The following TMC2 variants were observed in gnomAD, a reference collection of about 807,000 sequenced individuals.
TMC2 encodes the protein transmembrane channel like 2.
Under a neutral mutation model 105.9 loss-of-function variants are expected in TMC2, and 102 were observed. That is an observed-to-expected ratio of 0.96 (90% CI 0.82 to 1.14). The LOEUF (loss-of-function observed/expected upper bound fraction) is 1.14. TMC2 is among the 50% of genes most tolerant of loss of function. TMC2 has a pLI of 0.00. For synonymous variants in TMC2, 402 were observed against 422.8 expected (o/e 0.95, Z 0.60); for missense variants, 1,093 against 1,134.3 (o/e 0.96, Z 0.52).
At chr20:2,626,362 C>T (rs2086564298) in intron 17 of TMC2, among the ~76,000 whole-genome samples, 1 of 152,234 alleles carries the variant, frequency 6.6e-6, no homozygotes, top group Non-Finnish European at 1.5e-5. Context: ...GACTGGCCAG[C>T]TGGCACTGGA....
At chr20:2,624,078 T>A (rs1031009064) in intron 16 of TMC2, among the ~76,000 whole-genome samples, 193 bp from the exon 17 acceptor site, 7 of 152,250 alleles carry the variant, frequency 4.6e-5, no homozygotes, top group African/African-American at 1.7e-4. Context: ...CCGACCCAGC[T>A]GTCACCCTAG....
intron 2 of TMC2, among the ~76,000 whole-genome samples, chr20:2,545,822 G>GAAGAAAGAAAGA (rs56859666): frequency 0.054 from 6,363 of 117,778 alleles, 413 homozygotes; most frequent in African/African-American, 0.14. Context: ...AGAGGAAGAG[G>GAAGAAAGAAAGA]AAGAAAGAAA....
At chr20:2,594,421 T>C (rs2086290858) in intron 8 of TMC2, among the ~76,000 whole-genome samples, 1 of 152,040 alleles carries the variant, frequency 6.6e-6, no homozygotes, top group African/African-American at 2.4e-5. Flanking sequence ...AGAGACAAGG[T>C]TTCACTACGT....
chr20:2,582,174 T>C (rs2086196575), intron 7 of TMC2, among the ~76,000 whole-genome samples: 1 of 152,186 alleles, frequency 6.6e-6, no homozygotes, highest in Non-Finnish European at 1.5e-5. Context: ...CGGACAAGTC[T>C]TGATGACAGG....
intron 2 of TMC2, among the ~76,000 whole-genome samples, chr20:2,545,833 G>A (rs1383469891): frequency 8.5e-6 from 1 of 118,006 alleles, no homozygotes; most frequent in Non-Finnish European, 1.8e-5. Context: ...AAGAAAGAAA[G>A]AAAGAAAGAA....
chr20:2,629,362 A>G (rs1206215109), intron 17 of TMC2, among the ~76,000 whole-genome samples: 2 of 152,000 alleles, frequency 1.3e-5, no homozygotes, highest in African/African-American at 4.8e-5. Flanking sequence ...AGTGCTTTTA[A>G]TGTTTTCAGT....
chr20:2,600,520 A>T (rs930619846), intron 10 of TMC2, among the ~76,000 whole-genome samples: 1 of 152,120 alleles, frequency 6.6e-6, no homozygotes, highest in Non-Finnish European at 1.5e-5. Flanking sequence ...TCTACTAAAG[A>T]TACAAAAATT....
intron 17 of TMC2, among the ~76,000 whole-genome samples, chr20:2,631,394 C>T (rs748416280): frequency 6.6e-6 from 1 of 152,208 alleles, no homozygotes; most frequent in Non-Finnish European, 1.5e-5. Flanking sequence ...AAGTTACTGT[C>T]TAGTGTCCTT....
At position 2,642,382 on chromosome 20, in the gene TMC2, G is replaced by A. The variant is rs191418892; in HGVS notation, c.*1031G>A. On this transcript the variant is annotated 3_prime_UTR_variant, in exon 20 of 20. Transcript: ENST00000358864. ...CAGGGAGTGAAAACAGTGAATCACA[G>A]GAGCGAGTGAGTTGCCCAGTGCCTC... Among the ~76,000 whole-genome samples the A allele has an allele frequency of 6.6e-6, 1 of 152,228 alleles. No homozygotes were observed. Among genetic ancestry groups the A allele is most frequent in the African/African-American group, 2.4e-5 (1 of 41,528 alleles).
At chr20:2,545,681 GAA>G (rs1172694707) in intron 2 of TMC2, among the ~76,000 whole-genome samples, 1 of 65,760 alleles carries the variant, frequency 1.5e-5, no homozygotes, top group Non-Finnish European at 4.5e-5. Context: ...AGAAGAAGAA[GAA>G]GAAAGAAGAA....
intron 10 of TMC2, among the ~76,000 whole-genome samples, chr20:2,597,607 C>T (rs1216874754): frequency 1.3e-5 from 2 of 152,154 alleles, no homozygotes; most frequent in Non-Finnish European, 2.9e-5. Flanking sequence ...CCTGCCTCAG[C>T]CTCCCGAGTA....
rs1600106809 is a variant in TMC2 at position 2,572,388 on chromosome 20, G to C, written c.645+119G>C. The C allele has an allele frequency of 5.5e-6, 4 of 731,220 alleles. No homozygotes were observed. In the East Asian group the frequency reaches 1.1e-4, roughly 19 times the overall value. The allele number at this position is 731,220 out of a possible 1,614,324, so 45.3% of individuals were successfully genotyped here. A position where few individuals can be genotyped will look rare whatever the true frequency, so the allele number is the denominator to read the frequency against. On this transcript the variant is annotated intron_variant, in intron 5 of 19. Coordinates refer to ENST00000358864, the MANE Select transcript of TMC2 (RefSeq NM_080751.3). ...GTGTCCAGCTGCCCCCAGAATCCTGGGTGTGAGGGCCACCTGACCATTCTG... is the reference window on the plus strand; with the variant it reads ...GTGTCCAGCTGCCCCCAGAATCCTGCGTGTGAGGGCCACCTGACCATTCTG...
chr20:2,629,569 G>A (rs1043474209), intron 17 of TMC2, among the ~76,000 whole-genome samples: 18 of 149,436 alleles, frequency 1.2e-4, no homozygotes, highest in African/African-American at 4.2e-4. Flanking sequence ...AGGTGGTGGT[G>A]AATTTAGGGC....
intron 1 of TMC2, 133 bp downstream of exon 1, chr20:2,536,788 C>T (rs900659583): frequency 4.7e-5 from 42 of 893,086 alleles, no homozygotes; most frequent in East Asian, 2.7e-4. Context: ...GTCCCCTGTG[C>T]GCTGAGCGAC....
In TMC2 at chr20:2,635,911, G is replaced by A. The variant is rs768878159; in HGVS notation, c.2307-15G>A. On this transcript the variant is annotated splice_polypyrimidine_tract_variant and intron_variant, in intron 17 of 19. Coordinates refer to ENST00000358864, the MANE Select transcript of TMC2 (RefSeq NM_080751.3). ...AAGATCACGGGACCATAGGAGGCAT[G>A]CTTTTCTCTTGCAGCTTGGCCATTT... The A allele has an allele frequency of 5.1e-5, 82 of 1,611,760 alleles. No homozygotes were observed. Among genetic ancestry groups the A allele is most frequent in the South Asian group, 2.6e-4 (24 of 91,028 alleles).
chr20:2,562,905 C>T (rs2086037210), intron 4 of TMC2, among the ~76,000 whole-genome samples: 1 of 151,916 alleles, frequency 6.6e-6, no homozygotes. Flanking sequence ...GAGATCATGC[C>T]ACTGAACTCC....
At position 2,575,557 on chromosome 20, in the gene TMC2, A is replaced by T. The variant is rs183455764; in HGVS notation, c.645+3288A>T. On this transcript the variant is annotated intron_variant, in intron 5 of 19. Transcript: ENST00000358864. ...AAGAACACTTGAGATTTAGCTTTTTAACTAATTAAGTACACAATACCATGT... is the reference window on the plus strand; with the variant it reads ...AAGAACACTTGAGATTTAGCTTTTTTACTAATTAAGTACACAATACCATGT... Among the ~76,000 whole-genome samples, 105 of 152,286 alleles carry T rather than the reference A, an allele frequency of 6.9e-4. 1 individual carries two copies. The highest frequency in any genetic ancestry group is 1.7e-3 in the South Asian group (8 of 4,820).
At chr20:2,574,757 T>TC (rs2086131053) in intron 5 of TMC2, among the ~76,000 whole-genome samples, 1 of 152,120 alleles carries the variant, frequency 6.6e-6, no homozygotes, top group Admixed American at 6.6e-5. Flanking sequence ...TGTTTTTTTT[T>TC]CTCTGTCGCC....
intron 17 of TMC2, among the ~76,000 whole-genome samples, chr20:2,625,214 C>T: frequency 6.6e-6 from 1 of 152,224 alleles, no homozygotes; most frequent in Non-Finnish European, 1.5e-5. Context: ...TTTTGGCATG[C>T]TTTTTTAAAA....
Sources: gnomAD v4.1 joint callset for allele counts (sites outside exome capture counted in the v4.1 genomes callset) on GRCh38, gnomAD v4.1.1 for gene constraint, MANE v1.5 for transcripts, NCBI Gene and HGNC (gene_info 2026-07-23, HGNC 2026-07-21) for gene names.